TSPAN18: variants seen among roughly 807,000 people sequenced by gnomAD.
TSPAN18 encodes tetraspanin 18.
In TSPAN18, 14 loss-of-function variants were observed where a neutral mutation model predicts 27.3. That is an observed-to-expected ratio of 0.51 (90% CI 0.34 to 0.80). TSPAN18 has a LOEUF of 0.80. Among genes scored for constraint, TSPAN18 ranks in the 30% least tolerant of loss-of-function variants. The pLI, the probability that TSPAN18 is intolerant of heterozygous loss-of-function variation, is 0.01. For synonymous variants in TSPAN18, 143 were observed against 136.5 expected (o/e 1.05, Z -0.33); for missense variants, 268 against 323.9 (o/e 0.83, Z 1.32).
At chr11:44,817,764 A>C (rs954155443) in intron 2 of TSPAN18, among the ~76,000 whole-genome samples, 60 of 152,232 alleles carry the variant, frequency 3.9e-4, no homozygotes, top group Middle Eastern at 3.2e-3. Context: ...CTAATTCAAC[A>C]TGCCACCAAA....
chr11:44,804,891 G>A (rs975865346), intron 2 of TSPAN18, among the ~76,000 whole-genome samples: 1 of 152,222 alleles, frequency 6.6e-6, no homozygotes, highest in Non-Finnish European at 1.5e-5. Flanking sequence ...GGTAGAGCCA[G>A]AAAAACAGAA....
intron 1 of TSPAN18, among the ~76,000 whole-genome samples, chr11:44,731,464 C>T (rs150773350): frequency 6.6e-6 from 1 of 152,226 alleles, no homozygotes; most frequent in East Asian, 1.9e-4. Context: ...AAACATTTAG[C>T]ATAATGCCTG....
At chr11:44,819,588 T>C (rs1856885569) in intron 2 of TSPAN18, among the ~76,000 whole-genome samples, 1 of 152,188 alleles carries the variant, frequency 6.6e-6, no homozygotes, top group African/African-American at 2.4e-5. Flanking sequence ...TCCTAATTAA[T>C]AGACGCTCAT....
At chr11:44,902,966 T>A (rs1565199978) in intron 3 of TSPAN18, among the ~76,000 whole-genome samples, 1 of 152,194 alleles carries the variant, frequency 6.6e-6, no homozygotes, top group African/African-American at 2.4e-5. Context: ...CAGGCTTCCT[T>A]CACACTGCTG....
chr11:44,831,778 G>A (rs759952016), intron 2 of TSPAN18, among the ~76,000 whole-genome samples: 18 of 152,172 alleles, frequency 1.2e-4, no homozygotes, highest in Admixed American at 1.1e-3. Flanking sequence ...ATAACATGAC[G>A]TCATGCAGTG....
intron 2 of TSPAN18, among the ~76,000 whole-genome samples, chr11:44,795,237 C>T (rs1398566356): frequency 6.6e-6 from 1 of 152,158 alleles, no homozygotes; most frequent in African/African-American, 2.4e-5. Context: ...CCTGGGACCA[C>T]TCTTCCCTCA....
At chr11:44,753,050 C>G (rs1200926037) in intron 1 of TSPAN18, among the ~76,000 whole-genome samples, 2 of 152,210 alleles carry the variant, frequency 1.3e-5, no homozygotes, top group East Asian at 3.9e-4. Flanking sequence ...CTTTTCTTAA[C>G]AGTATCCATA....
intron 1 of TSPAN18, among the ~76,000 whole-genome samples, chr11:44,756,869 T>C (rs756142317): frequency 2.4e-4 from 37 of 152,230 alleles, no homozygotes; most frequent in Non-Finnish European, 4.7e-4. Context: ...AATCCTACTC[T>C]GAATATGAGT....
Position 44,931,553 on chromosome 11 carries a change from C to T in TSPAN18, c.*2375C>T, listed in dbSNP as rs1860563538. On this transcript the variant is annotated 3_prime_UTR_variant, in exon 10 of 10. Coordinates refer to ENST00000520358, the MANE Select transcript of TSPAN18 (RefSeq NM_130783.5). ...TTCTACAAATGTGCCAAGGAACCCT[C>T]AATCAGCCCTGATTCAGCTCGCCAG... The T allele has an allele frequency of 6.6e-6, 1 of 152,380 alleles. No individual in the cohort carries two copies. Among genetic ancestry groups the T allele is most frequent in the Admixed American group, 6.5e-5 (1 of 15,300 alleles). 9.4% of individuals were successfully genotyped at this position (152,380 alleles called of 1,614,324 possible).
At chr11:44,811,985 G>C (rs1017412929) in intron 2 of TSPAN18, among the ~76,000 whole-genome samples, 2 of 152,216 alleles carry the variant, frequency 1.3e-5, no homozygotes, top group African/African-American at 4.8e-5. Context: ...AGTGGGCAGG[G>C]CTGGCAATGC....
rs1477254059 is a variant in TSPAN18 at position 44,926,723 on chromosome 11, C to T, written c.665C>T (p.Ala222Val). 6.2e-7 allele frequency: 1 copy of T among 1,614,048 alleles called. No homozygotes were observed. The highest frequency in any genetic ancestry group is 8.5e-7 in the Non-Finnish European group (1 of 1,180,010). Reference protein sequence around the residue: ...LNTFETYVYLAGALAIGVLAI... With the variant: ...LNTFETYVYLVGALAIGVLAI... ...ACCTTCGAGACCTACGTCTACTTGG[C>T]CGGAGCCCTTGCCATCGGGGTACTG... The change falls in exon 9 of 10, where the codon GCC (alanine) becomes GTC (valine). Residue 222 changes from alanine (A) to valine (V), a missense_variant. Ala to Val is a moderately conservative substitution (Grantham distance 64). Coordinates refer to ENST00000520358, the MANE Select transcript of TSPAN18 (RefSeq NM_130783.5).
At chr11:44,797,781 G>T (rs1027187692) in intron 2 of TSPAN18, among the ~76,000 whole-genome samples, 1 of 152,130 alleles carries the variant, frequency 6.6e-6, no homozygotes, top group Non-Finnish European at 1.5e-5. Flanking sequence ...TGAAAAATTT[G>T]GGAGGAATTA....
intron 2 of TSPAN18, among the ~76,000 whole-genome samples, chr11:44,831,062 G>C (rs1315673899): frequency 6.6e-6 from 1 of 152,116 alleles, no homozygotes; most frequent in Non-Finnish European, 1.5e-5. Context: ...GCAGTGAGCT[G>C]AGATCACACC....
chr11:44,734,456 G>A (rs1296241300), intron 1 of TSPAN18, among the ~76,000 whole-genome samples: 1 of 152,236 alleles, frequency 6.6e-6, no homozygotes, highest in East Asian at 1.9e-4. Flanking sequence ...TAAAAAGCGA[G>A]TCAAGTGCCT....
At chr11:44,838,044 A>G (rs1857298319) in intron 2 of TSPAN18, among the ~76,000 whole-genome samples, 1 of 152,180 alleles carries the variant, frequency 6.6e-6, no homozygotes, top group African/African-American at 2.4e-5. Flanking sequence ...GTGGGGTACA[A>G]GAATAATGCC....
intron 1 of TSPAN18, among the ~76,000 whole-genome samples, chr11:44,749,579 G>A (rs1048335340): frequency 4.7e-5 from 7 of 150,288 alleles, no homozygotes; most frequent in African/African-American, 1.7e-4. Context: ...AATGAAGGAT[G>A]ATTTACTGCA....
rs540617992 is a variant in TSPAN18, at chr11:44,893,933, G to A, written c.-10-12474G>A. Among the ~76,000 whole-genome samples the A allele has an allele frequency of 8.5e-5, 13 of 152,314 alleles. No individual in the cohort carries two copies. The South Asian group carries it at 2.3e-3, about 27-fold the overall frequency. On this transcript the variant is annotated intron_variant, in intron 3 of 9. Transcript: ENST00000520358. ...TTCGTTTCTGTATCTTGCCTGGCAA[G>A]CCCAGGACACTGGGTTAATGTGGCC...
At chr11:44,774,627 A>G (rs1242944933) in intron 2 of TSPAN18, among the ~76,000 whole-genome samples, 1 of 151,830 alleles carries the variant, frequency 6.6e-6, no homozygotes, top group Non-Finnish European at 1.5e-5. Context: ...AGCCTCCTTC[A>G]TCCTCCCTTC....
chr11:44,890,662 G>C (rs772146752), intron 3 of TSPAN18, among the ~76,000 whole-genome samples: 15 of 149,240 alleles, frequency 1.0e-4, no homozygotes, highest in Non-Finnish European at 1.8e-4. Flanking sequence ...GGCGGAGCTT[G>C]CCAGCCTGGG....
Sources: allele counts gnomAD v4.1 joint callset (sites outside exome capture counted in the v4.1 genomes callset), GRCh38; gene constraint gnomAD v4.1.1; transcripts MANE v1.5; gene names NCBI Gene and HGNC (gene_info 2026-07-23, HGNC 2026-07-21).